Variants in ZNF292 observed in about 807,000 individuals in gnomAD.
The protein encoded by ZNF292 is zinc finger protein 292.
In ZNF292, 26 loss-of-function variants were observed where a neutral mutation model predicts 217.9. The ratio of observed to expected loss-of-function variants is 0.12; its 90% CI spans 0.09 to 0.17. The LOEUF (loss-of-function observed/expected upper bound fraction) is 0.17, where lower values mean the gene tolerates loss of function less well. Ranked by LOEUF, ZNF292 falls within the 10% of genes least tolerant of loss-of-function variation. The pLI is 1.00. For missense variants in ZNF292, 2,904 were observed against 3,175.2 expected (o/e 0.91, Z 2.05); for synonymous variants, 1,257 against 1,124.1 (o/e 1.12, Z -2.37).
chr6:87,160,428 T>G (rs1770693623), intron 1 of ZNF292, among the ~76,000 whole-genome samples: 1 of 152,126 alleles, frequency 6.6e-6, no homozygotes, highest in Admixed American at 6.6e-5. Context: ...GACAGTTGTT[T>G]TGAAGGGTTG....
chr6:87,210,607 C>T (rs905790681), intron 1 of ZNF292, among the ~76,000 whole-genome samples: 4 of 151,968 alleles, frequency 2.6e-5, no homozygotes, highest in African/African-American at 9.7e-5. Flanking sequence ...AGGTGAAACG[C>T]CGTCTCTACT....
rs371774702 is a variant in ZNF292, at chr6:87,257,128, T to G, written c.3499T>G (p.Phe1167Val). ...LPSPVNSSNP[F>V]FTSQTKANGN... ...ATCACCGGTGAACAGCTCAAATCCA[T>G]TTTTTACATCACAGACCAAAGCCAA... The change falls in exon 8 of 8, where the codon TTT becomes GTT. Residue 1167 changes from phenylalanine to valine, a missense_variant. Around this residue, in one of 15 missense-constraint regions of ZNF292, gnomAD observed 687 missense variants for 623.0 expected, o/e 1.10. Transcript: ENST00000369577. 1.9e-6 allele frequency: 3 copies of G among 1,613,784 alleles called. No individual in the cohort carries two copies. The highest frequency in any genetic ancestry group is 2.5e-6 in the Non-Finnish European group (3 of 1,179,854).
At position 87,255,466 on chromosome 6, in the gene ZNF292, C is replaced by A; in HGVS notation, c.1837C>A (p.Pro613Thr). 1 of 1,613,468 alleles carries A rather than the reference C, an allele frequency of 6.2e-7. No homozygotes were observed. Among genetic ancestry groups the A allele is most frequent in the Non-Finnish European group, 8.5e-7 (1 of 1,179,782 alleles). ...MKPLRRLGRP[P>T]KITTTNENQK... The stretch of plus-strand genomic sequence containing the variant: ...ACCATTAAGAAGATTGGGAAGGCCT[C>A]CAAAGATCACAACTACCAATGAAAA... The change falls in exon 8 of 8, where the codon CCA (proline) becomes ACA (threonine). Residue 613 changes from proline (P) to threonine (T), a missense_variant. Transcript: ENST00000369577.
Position 87,250,404 on chromosome 6 carries a change from C to G in ZNF292, c.1021-4246C>G, listed in dbSNP as rs116497351. Among the ~76,000 whole-genome samples the G allele has an allele frequency of 6.5e-3, 996 of 152,200 alleles. 16 individuals are homozygous for G. The highest frequency in any genetic ancestry group is 0.023 in the African/African-American group (957 of 41,520). ...AGATCATGCCACTGAGCCAGGTTCA[C>G]TCCACTGCACTTCAGCCTGGGTGAC... On this transcript the variant is annotated intron_variant, in intron 7 of 7. Transcript: ENST00000369577.
intron 5 of ZNF292, 124 bp from the exon 6 acceptor site, chr6:87,243,351 G>A (rs970541357): frequency 3.1e-6 from 2 of 646,280 alleles, no homozygotes; most frequent in Non-Finnish European, 4.5e-6. Context: ...ACTTGATAGT[G>A]TATGAATTAA....
chr6:87,229,332 C>T (rs1293551793), intron 4 of ZNF292, among the ~76,000 whole-genome samples: 1 of 152,182 alleles, frequency 6.6e-6, no homozygotes, highest in Non-Finnish European at 1.5e-5. Flanking sequence ...GGGCTTTCTA[C>T]ATACAAGATC....
At chr6:87,175,296 T>G (rs1406365123) in intron 1 of ZNF292, among the ~76,000 whole-genome samples, 1 of 152,214 alleles carries the variant, frequency 6.6e-6, no homozygotes, top group East Asian at 1.9e-4. Context: ...TTGCCTTCAT[T>G]ACTTTTTCAT....
At chr6:87,231,444 C>G (rs1773651626) in intron 4 of ZNF292, among the ~76,000 whole-genome samples, 1 of 152,198 alleles carries the variant, frequency 6.6e-6, no homozygotes, top group Non-Finnish European at 1.5e-5. Context: ...CTTGCCTTCT[C>G]TGAGCCTCAG....
chr6:87,237,039 C>T, intron 5 of ZNF292, among the ~76,000 whole-genome samples: 1 of 152,072 alleles, frequency 6.6e-6, no homozygotes, highest in East Asian at 1.9e-4. Flanking sequence ...AACTATCCTC[C>T]AGAAAAGATT....
chr6:87,182,806 T>G (rs1171870069), intron 1 of ZNF292, among the ~76,000 whole-genome samples: 1 of 152,220 alleles, frequency 6.6e-6, no homozygotes, highest in African/African-American at 2.4e-5. Context: ...TTGTATTAAG[T>G]AAATTATATT....
At chr6:87,196,532 G>C (rs1205942130) in intron 1 of ZNF292, among the ~76,000 whole-genome samples, 1 of 152,174 alleles carries the variant, frequency 6.6e-6, no homozygotes, top group Non-Finnish European at 1.5e-5. Context: ...GTCAAATTTT[G>C]GGAAAAGTTA....
intron 6 of ZNF292, among the ~76,000 whole-genome samples, chr6:87,244,862 T>C (rs564776193): frequency 3.3e-5 from 5 of 152,078 alleles, no homozygotes; most frequent in Admixed American, 6.5e-5. Context: ...CACACACATA[T>C]ATACGTACAC....
At chr6:87,203,953 A>G (rs1404726062) in intron 1 of ZNF292, among the ~76,000 whole-genome samples, 2 of 152,202 alleles carry the variant, frequency 1.3e-5, no homozygotes, top group Non-Finnish European at 2.9e-5. Flanking sequence ...GAGGGCAGAC[A>G]CTACTTTAAT....
intron 4 of ZNF292, among the ~76,000 whole-genome samples, chr6:87,220,237 T>C (rs1348166214): frequency 2.6e-5 from 4 of 152,216 alleles, no homozygotes; most frequent in Non-Finnish European, 5.9e-5. Context: ...CACCAAATTA[T>C]ACTTTCTGAT....
At chr6:87,182,990 A>T (rs7761576) in intron 1 of ZNF292, among the ~76,000 whole-genome samples, 1 of 152,182 alleles carries the variant, frequency 6.6e-6, no homozygotes, top group Non-Finnish European at 1.5e-5. Flanking sequence ...TGAAACACTC[A>T]TGGAGATAGT....
rs187818892 is a variant in ZNF292 at position 87,219,403 on chromosome 6, A to T, written c.538+672A>T. Reference sequence around the variant, plus strand: ...CTAAAGAAGTAAATTTTTTTAAAAAATTGTAATATATCTAATGGAAAAGCA... The same window carrying T: ...CTAAAGAAGTAAATTTTTTTAAAAATTTGTAATATATCTAATGGAAAAGCA... On this transcript the variant is annotated intron_variant, in intron 4 of 7. Coordinates refer to ENST00000369577, the MANE Select transcript of ZNF292 (RefSeq NM_015021.3). 3.2e-3 allele frequency among the ~76,000 whole-genome samples: 488 copies of T among 152,332 alleles called. 2 individuals are homozygous for T. Among genetic ancestry groups the T allele is most frequent in the Non-Finnish European group, 4.5e-3 (309 of 68,028 alleles).
At chr6:87,248,284 C>G (rs1774715135) in intron 7 of ZNF292, among the ~76,000 whole-genome samples, 1 of 152,130 alleles carries the variant, frequency 6.6e-6, no homozygotes, top group Admixed American at 6.5e-5. Flanking sequence ...CTTTTAAAAT[C>G]TGTCATTGGT....
intron 4 of ZNF292, among the ~76,000 whole-genome samples, chr6:87,226,995 T>A (rs1438402681): frequency 1.3e-5 from 2 of 152,146 alleles, no homozygotes; most frequent in Non-Finnish European, 2.9e-5. Context: ...GGGTATATTT[T>A]ATAATGTTAC....
chr6:87,194,282 C>G (rs936838439), intron 1 of ZNF292, among the ~76,000 whole-genome samples: 3 of 151,854 alleles, frequency 2.0e-5, no homozygotes, highest in African/African-American at 7.3e-5. Context: ...TTTGAGTTCA[C>G]TCTTAGACAT....
Sources: gnomAD v4.1 joint callset for allele counts (sites outside exome capture counted in the v4.1 genomes callset) on GRCh38, gnomAD v4.1.1 for gene constraint, gnomAD v4.1.1 regional missense constraint, MANE v1.5 for transcripts, NCBI Gene and HGNC (gene_info 2026-07-23, HGNC 2026-07-21) for gene names.